HDHD5: variants seen among roughly 807,000 people sequenced by gnomAD.
The protein encoded by HDHD5 is haloacid dehalogenase-like hydrolase domain-containing 5.
HDHD5 carries 34 observed loss-of-function variants against 35.5 expected under a neutral mutation model. That is an observed-to-expected ratio of 0.96 (90% CI 0.73 to 1.28). The LOEUF is 1.28. Among genes scored for constraint, HDHD5 ranks in the 50% most tolerant of loss-of-function variants. HDHD5 has a pLI of 0.00. For missense variants in HDHD5, 589 were observed against 560.2 expected (o/e 1.05, Z -0.52); for synonymous variants, 248 against 240.6 (o/e 1.03, Z -0.29).
At chr22:17,146,202 G>A (rs1041792666) in intron 3 of HDHD5, among the ~76,000 whole-genome samples, 11 of 152,002 alleles carry the variant, frequency 7.2e-5, no homozygotes, top group Non-Finnish European at 1.6e-4. Flanking sequence ...CCCCTGCTTA[G>A]GAGCTTAGCC....
At chr22:17,145,324 C>T (rs2061649723) in intron 3 of HDHD5, among the ~76,000 whole-genome samples, 1 of 152,198 alleles carries the variant, frequency 6.6e-6, no homozygotes, top group Admixed American at 6.5e-5. Flanking sequence ...AGGGCAGCTC[C>T]TGGGTAACCC....
chr22:17,160,512 G>A (rs1273147444), upstream of HDHD5, among the ~76,000 whole-genome samples: 1 of 152,010 alleles, frequency 6.6e-6, no homozygotes, highest in African/African-American at 2.4e-5. Context: ...AGCCAGGCGC[G>A]GTGGCAGGCG....
At chr22:17,161,205 C>CA (rs757946875), upstream of HDHD5, among the ~76,000 whole-genome samples, 31 of 139,948 alleles carry the variant, frequency 2.2e-4, no homozygotes, top group Non-Finnish European at 3.8e-4. Flanking sequence ...GAGAGCGTGC[C>CA]ACTGTACTCG....
chr22:17,160,039 A>G (rs2061852015), upstream of HDHD5, among the ~76,000 whole-genome samples: 1 of 152,246 alleles, frequency 6.6e-6, no homozygotes, highest in Non-Finnish European at 1.5e-5. Context: ...TCCCCCGGTC[A>G]TGAGGGGAGA....
rs771383361 is a variant in HDHD5, at chr22:17,149,685, C to G, written c.187G>C (p.Val63Leu). ...IDGVLVRGHR[V>L]IPAALKAFRR... ...AAGGCTTTCAGAGCAGCAGGGATCA[C>G]TCTGTGGCCCCGCACAAGCACTCCA... is the stretch of plus-strand genomic sequence containing the variant. Residue 63 changes from valine to leucine, a missense_variant, in exon 2 of 8, where the codon GTG (valine) becomes CTG (leucine). Coordinates refer to ENST00000336737, the MANE Select transcript of HDHD5 (RefSeq NM_033070.3). The G allele has an allele frequency of 1.2e-6, 2 of 1,613,960 alleles. No individual in the cohort carries two copies. Among genetic ancestry groups the G allele is most frequent in the African/African-American group, 2.7e-5 (2 of 74,934 alleles).
upstream of HDHD5, among the ~76,000 whole-genome samples, chr22:17,162,116 A>G (rs1220304151): frequency 6.6e-6 from 1 of 152,156 alleles, no homozygotes; most frequent in East Asian, 1.9e-4. Flanking sequence ...AAGCAGCCCT[A>G]TAGAAAGGCC....
intron 1 of HDHD5, among the ~76,000 whole-genome samples, chr22:17,154,559 C>G (rs1417380589): frequency 6.6e-6 from 1 of 150,862 alleles, no homozygotes; most frequent in African/African-American, 2.4e-5. Context: ...TAAGGAATTA[C>G]TAATGTTGTT....
In HDHD5 at chr22:17,156,158, C is replaced by T. The variant is rs79077257; in HGVS notation, c.126+2968G>A. ...GATATCCAGAAGAAAGCACTGTTAT[C>T]GCAGATGACAGTTCCATGCATATGA... On this transcript the variant is annotated intron_variant, in intron 1 of 7. Coordinates refer to ENST00000336737, the MANE Select transcript of HDHD5 (RefSeq NM_033070.3). 0.012 allele frequency among the ~76,000 whole-genome samples: 1,888 copies of T among 152,284 alleles called. 147 individuals carry two copies. In the East Asian group the frequency reaches 0.15, roughly 12 times the overall value.
chr22:17,138,406 A>C (rs1237683638), intron 7 of HDHD5, 49 bp from the exon 8 acceptor site: 3 of 1,578,170 alleles, frequency 1.9e-6, no homozygotes, highest in African/African-American at 2.7e-5. Context: ...AAAAACCCTA[A>C]ATCAATGTTG....
rs374600970 is a variant in HDHD5 at position 17,138,199 on chromosome 22, A to C, written c.1094T>G (p.Val365Gly). ...SCISILVCTGVYNPRNPQSTE... is the reference protein window; with the variant it reads ...SCISILVCTGGYNPRNPQSTE... ...GGACTGTGGGTTCCTGGGATTGTAGACGCCTGTACACACCAGGATGGAGAT... is the reference window on the plus strand; with the variant it reads ...GGACTGTGGGTTCCTGGGATTGTAGCCGCCTGTACACACCAGGATGGAGAT... Residue 365 changes from valine to glycine, a missense_variant, in exon 8 of 8, where the codon GTC becomes GGC. Coordinates refer to ENST00000336737, the MANE Select transcript of HDHD5 (RefSeq NM_033070.3). The C allele has an allele frequency of 1.2e-6, 2 of 1,614,038 alleles. No individual in the cohort carries two copies. The highest frequency in any genetic ancestry group is 1.7e-6 in the Non-Finnish European group (2 of 1,180,008).
At chr22:17,164,954 G>C (rs2061882881) in intron 1 of HDHD5, among the ~76,000 whole-genome samples, 1 of 152,198 alleles carries the variant, frequency 6.6e-6, no homozygotes, top group African/African-American at 2.4e-5. Context: ...GAGATGGGCA[G>C]GTCCCCCTGG....
chr22:17,139,591 C>CT (rs2061577035), intron 6 of HDHD5, among the ~76,000 whole-genome samples: 1 of 152,056 alleles, frequency 6.6e-6, no homozygotes, highest in Non-Finnish European at 1.5e-5. Flanking sequence ...TCCCCAACTC[C>CT]TTCTTGACAC....
At position 17,138,477 on chromosome 22, in the gene HDHD5, G is replaced by A. The variant is rs2061560874; in HGVS notation, c.935+73C>T. The A allele has an allele frequency of 2.6e-6, 4 of 1,547,042 alleles. No individual in the cohort carries two copies. In the Admixed American group the frequency reaches 7.2e-5, roughly 28 times the overall value. ...AAGAGTGAATTAGATATAGGGAAATGGGGGTGAGAGTAGAGGAGGAGGGAG... is the reference window on the plus strand; with the variant it reads ...AAGAGTGAATTAGATATAGGGAAATAGGGGTGAGAGTAGAGGAGGAGGGAG... On this transcript the variant is annotated intron_variant, in intron 7 of 7. Transcript: ENST00000336737.
intron 1 of HDHD5, among the ~76,000 whole-genome samples, chr22:17,155,155 A>AT (rs1212432869): frequency 6.6e-6 from 1 of 151,820 alleles, no homozygotes; most frequent in Non-Finnish European, 1.5e-5. Flanking sequence ...AAAACAGCTC[A>AT]TTTGTACAAT....
chr22:17,159,586 C>G (rs747126369), upstream of HDHD5: 42 of 428,686 alleles, frequency 9.8e-5, no homozygotes, highest in South Asian at 2.4e-4. Context: ...GCCGGCCTCC[C>G]TCAGCTTCGC....
chr22:17,162,388 C>T (rs1234620211), upstream of HDHD5, among the ~76,000 whole-genome samples: 1 of 152,202 alleles, frequency 6.6e-6, no homozygotes, highest in African/African-American at 2.4e-5. Context: ...AGGACTGTGT[C>T]ATACTTAGTG....
intron 3 of HDHD5, among the ~76,000 whole-genome samples, chr22:17,145,483 G>A (rs1356851672): frequency 2.6e-5 from 4 of 152,166 alleles, no homozygotes; most frequent in Non-Finnish European, 5.9e-5. Flanking sequence ...GCAGGAGGAT[G>A]GCTTGAGCCC....
intron 1 of HDHD5, among the ~76,000 whole-genome samples, chr22:17,155,715 AG>A (rs1203568041): frequency 2.0e-5 from 3 of 152,244 alleles, no homozygotes; most frequent in Non-Finnish European, 4.4e-5. Context: ...TAAAAAGTGA[AG>A]GTGTACATCA....
chr22:17,148,712 C>T, intron 2 of HDHD5, 152 bp from the exon 3 acceptor site: 1 of 631,832 alleles, frequency 1.6e-6, no homozygotes, highest in East Asian at 2.7e-5. Context: ...CCCAGCAGCA[C>T]TTCTGAAAGG....
Sources: allele counts gnomAD v4.1 joint callset (sites outside exome capture counted in the v4.1 genomes callset), GRCh38; gene constraint gnomAD v4.1.1; transcripts MANE v1.5; gene names NCBI Gene and HGNC (gene_info 2026-07-23, HGNC 2026-07-21).